Variants in RAPGEFL1 observed in about 807,000 individuals in gnomAD.
The protein encoded by RAPGEFL1 is rap guanine nucleotide exchange factor-like 1.
In RAPGEFL1, 31 loss-of-function variants were observed where a neutral mutation model predicts 64.4. That is an observed-to-expected ratio of 0.48 (90% CI 0.36 to 0.65). The LOEUF (loss-of-function observed/expected upper bound fraction) is 0.65. Ranked by LOEUF, RAPGEFL1 falls within the 30% of genes least tolerant of loss-of-function variation. The pLI is 0.00. For synonymous variants in RAPGEFL1, 331 were observed against 274.1 expected, an observed-to-expected ratio of 1.21 and a Z score of -2.05; for missense variants, 682 against 677.4, an observed-to-expected ratio of 1.01 and a Z score of -0.08.
intron 2 of RAPGEFL1, among the ~76,000 whole-genome samples, chr17:40,182,883 T>C (rs184191800): frequency 0.082 from 12,429 of 152,128 alleles, 1,196 homozygotes; most frequent in African/African-American, 0.23. Flanking sequence ...CACGGTGGCA[T>C]ATGACTTTAA....
At chr17:40,189,041 T>C in intron 5 of RAPGEFL1, 63 bp downstream of exon 5, 2 of 1,519,372 alleles carry the variant, frequency 1.3e-6, no homozygotes, top group Non-Finnish European at 1.8e-6. Context: ...TATCTCTGGG[T>C]CTTGAGCACC....
intron 1 of RAPGEFL1, among the ~76,000 whole-genome samples, chr17:40,179,406 C>T (rs1989827632): frequency 6.6e-6 from 1 of 151,622 alleles, no homozygotes; most frequent in Non-Finnish European, 1.5e-5. Context: ...CGGGGTTTCA[C>T]CAACTTGGTC....
At position 40,191,565 on chromosome 17, in the gene RAPGEFL1, G is replaced by T. The variant is rs372880043; in HGVS notation, c.1515-17G>T. On this transcript the variant is annotated splice_polypyrimidine_tract_variant and intron_variant, in intron 9 of 14. Coordinates refer to ENST00000620260, the MANE Select transcript of RAPGEFL1 (RefSeq NM_016339.6). This position sits in a 1 kb window ranked among gnomAD's most constrained non-coding sequence, Gnocchi z 5.1. The stretch of plus-strand genomic sequence containing the variant: ...CGCGCCGCCGCCCGCCCCTGACCCC[G>T]CCTCCCACCCCCGCAGCTGCAAGCA... The T allele has an allele frequency of 8.2e-6, 7 of 855,760 alleles. No individual in the cohort carries two copies. Among genetic ancestry groups the T allele is most frequent in the Middle Eastern group, 3.6e-4 (1 of 2,762 alleles). The allele number at this position is 855,760 out of a possible 1,614,324, so 53.0% of individuals were successfully genotyped here.
At chr17:40,192,161 A>T in intron 10 of RAPGEFL1, 52 bp from the exon 11 acceptor site, 2 of 1,535,594 alleles carry the variant, frequency 1.3e-6, no homozygotes, top group Non-Finnish European at 9.0e-7. Context: ...GCTCCCATGT[A>T]ACCCAAGGAG....
At chr17:40,190,329 T>C in intron 6 of RAPGEFL1, 105 bp from the exon 7 acceptor site, 1 of 838,874 alleles carries the variant, frequency 1.2e-6, no homozygotes, top group Middle Eastern at 2.2e-4. Flanking sequence ...TAGTCTAGAA[T>C]GTGTCAGTGT....
intron 1 of RAPGEFL1, 176 bp from the exon 2 acceptor site, chr17:40,181,440 C>T: frequency 1.5e-6 from 1 of 669,168 alleles, no homozygotes. Context: ...AGTGGCTGCC[C>T]AGAACCTTTA....
In RAPGEFL1 at chr17:40,178,125, G is replaced by T. The variant is rs1476038643; in HGVS notation, c.264G>T (p.Pro88=). The T allele has an allele frequency of 7.1e-6, 4 of 562,042 alleles. No individual in the cohort carries two copies. Among genetic ancestry groups the T allele is most frequent in the Non-Finnish European group, 6.3e-6 (2 of 319,144 alleles). The allele number at this position is 562,042 out of a possible 1,614,324, so 34.8% of individuals were successfully genotyped here. A position where few individuals can be genotyped will look rare whatever the true frequency, so the allele number is the denominator to read the frequency against. The change falls in exon 1 of 15, where the codon CCG becomes CCT. Residue 88 remains proline, a synonymous_variant. Transcript: ENST00000620260. ...CCCCTGAGGAGGAAGGAGGAGAGCC[G>T]GCGGGGGTCGCGGAGGAGCCGGGCA... The part of the protein sequence containing the change: ...EPPPEEEGGE[P]AGVAEEPGSG...
rs886885257 is a variant in RAPGEFL1, at chr17:40,178,341, G to A, written c.480G>A (p.Glu160=). 23 of 566,386 alleles carry A rather than the reference G, an allele frequency of 4.1e-5. No homozygotes were observed. Among genetic ancestry groups the A allele is most frequent in the Middle Eastern group, 2.6e-4 (1 of 3,778 alleles). The allele number at this position is 566,386 out of a possible 1,614,324, so 35.1% of individuals were successfully genotyped here. A position where few individuals can be genotyped will look rare whatever the true frequency, so the allele number is the denominator to read the frequency against. The change falls in exon 1 of 15, where the codon GAG becomes GAA. Residue 160 remains glutamate, a synonymous_variant. Coordinates refer to ENST00000620260, the MANE Select transcript of RAPGEFL1 (RefSeq NM_016339.6). The part of the protein sequence containing the change: ...RPEHLLNRVL[E]RLAGGATRDS... ...AGCATCTTCTGAACCGGGTTCTGGA[G>A]CGGCTTGCTGGAGGGGCTACCAGGG...
In RAPGEFL1 at chr17:40,177,502, G is replaced by T. The variant is rs547806408; in HGVS notation, c.-360G>T. 1.1e-3 allele frequency: 659 copies of T among 578,088 alleles called. 12 individuals are homozygous for T. In the South Asian group the frequency reaches 0.012, roughly 11 times the overall value. 35.8% of individuals were successfully genotyped at this position (578,088 alleles called of 1,614,324 possible). Reference sequence around the variant, plus strand: ...CCTCTTCACGGCCAGGAGCGCAGCCGCCGCCGCCGCCGCCGCCGCGTCCTC... The same window carrying T: ...CCTCTTCACGGCCAGGAGCGCAGCCTCCGCCGCCGCCGCCGCCGCGTCCTC... On this transcript the variant is annotated 5_prime_UTR_variant, in exon 1 of 15. Coordinates refer to ENST00000620260, the MANE Select transcript of RAPGEFL1 (RefSeq NM_016339.6).
chr17:40,180,285 G>A (rs969112945), intron 1 of RAPGEFL1, among the ~76,000 whole-genome samples: 1 of 152,118 alleles, frequency 6.6e-6, no homozygotes, highest in African/African-American at 2.4e-5. Flanking sequence ...CAGGGGCCTG[G>A]TGCCACACGC....
intron 4 of RAPGEFL1, 172 bp from the exon 5 acceptor site, chr17:40,188,694 A>T: frequency 1.6e-6 from 1 of 611,696 alleles, no homozygotes; most frequent in South Asian, 1.9e-5. Context: ...GGTTACTTGG[A>T]TAATTATCCC....
At chr17:40,178,834 C>A (rs1989806639) in intron 1 of RAPGEFL1, among the ~76,000 whole-genome samples, 1 of 152,254 alleles carries the variant, frequency 6.6e-6, no homozygotes, top group African/African-American at 2.4e-5. Context: ...CAGGCTGACC[C>A]ACCCAGGGAG....
Position 40,193,829 on chromosome 17 carries a change from C to G in RAPGEFL1, c.*41C>G. ...TCAGACCCGCCAGATCCTTGGGCAC[C>G]TGGCACTCAAGCACTTTGCACGATG... On this transcript the variant is annotated 3_prime_UTR_variant, in exon 15 of 15. Transcript: ENST00000620260. The G allele has an allele frequency of 3.1e-6, 5 of 1,612,956 alleles. No homozygotes were observed. The highest frequency in any genetic ancestry group is 4.2e-6 in the Non-Finnish European group (5 of 1,179,446).
In RAPGEFL1 at chr17:40,177,501, C is replaced by A. The variant is rs942489690; in HGVS notation, c.-361C>A. ...CCCTCTTCACGGCCAGGAGCGCAGC[C>A]GCCGCCGCCGCCGCCGCCGCGTCCT... On this transcript the variant is annotated 5_prime_UTR_variant, in exon 1 of 15. Transcript: ENST00000620260. 1 of 423,032 alleles carries A rather than the reference C, an allele frequency of 2.4e-6. No homozygotes were observed. The highest frequency in any genetic ancestry group is 4.2e-5 in the East Asian group (1 of 24,084). 26.2% of individuals were successfully genotyped at this position (423,032 alleles called of 1,614,324 possible). A position where few individuals can be genotyped will look rare whatever the true frequency, so the allele number is the denominator to read the frequency against.
intron 14 of RAPGEFL1, 55 bp from the exon 15 acceptor site, chr17:40,193,609 G>T (rs1429825551): frequency 6.2e-7 from 1 of 1,613,232 alleles, no homozygotes; most frequent in Admixed American, 1.7e-5. Context: ...CGGTGTGTGT[G>T]TAGAGGAAGA....
chr17:40,192,255 A>C lies in RAPGEFL1; in HGVS notation c.1648A>C (p.Asn550His). The C allele has an allele frequency of 6.2e-7, 1 of 1,614,020 alleles. No homozygotes were observed. The highest frequency in any genetic ancestry group is 8.5e-7 in the Non-Finnish European group (1 of 1,179,908). ...CAAGAACTTGTTTCGCAAATTTGAG[A>C]ACCTGACGGTGAGTGGGTTTGGCTC... The part of the protein sequence containing the change: ...KFKNLFRKFE[N>H]LTDPCRNHKS... The change falls in exon 11 of 15, where the codon AAC becomes CAC. Residue 550 changes from asparagine (N) to histidine (H), a missense_variant. Physicochemically the swap from Asn to His is moderately conservative, Grantham distance 68. Transcript: ENST00000620260.
intron 1 of RAPGEFL1, among the ~76,000 whole-genome samples, chr17:40,180,556 C>T (rs181025725): frequency 6.6e-6 from 1 of 152,264 alleles, no homozygotes; most frequent in East Asian, 1.9e-4. Flanking sequence ...AAGCAGCCCC[C>T]TCTGACCGCT....
intron 4 of RAPGEFL1, 60 bp downstream of exon 4, chr17:40,184,738 C>T: frequency 9.7e-7 from 1 of 1,035,256 alleles, no homozygotes; most frequent in Non-Finnish European, 1.4e-6. Flanking sequence ...TCCTCTACTA[C>T]AGGGGCTGCC....
chr17:40,182,915 G>A (rs1441441374), intron 2 of RAPGEFL1, among the ~76,000 whole-genome samples: 1 of 152,120 alleles, frequency 6.6e-6, no homozygotes. Flanking sequence ...TGGGAGGCTG[G>A]GGCGGGTGGA....
Sources: allele counts gnomAD v4.1 joint callset (sites outside exome capture counted in the v4.1 genomes callset), GRCh38; gene constraint gnomAD v4.1.1; non-coding constraint Gnocchi (gnomAD v3.1); transcripts MANE v1.5; gene names NCBI Gene and HGNC (gene_info 2026-07-23, HGNC 2026-07-21).